The following ANKH variants were observed in gnomAD, a reference collection of about 807,000 sequenced individuals.
ANKH encodes ANKH inorganic pyrophosphate transport regulator.
In ANKH, 15 loss-of-function variants were observed where a neutral mutation model predicts 49.0. The observed-to-expected ratio is 0.31, with a 90% CI of 0.20 to 0.47. The LOEUF (loss-of-function observed/expected upper bound fraction) is 0.47. Ranked by LOEUF, ANKH falls within the 20% of genes least tolerant of loss-of-function variation. The pLI is 1.00. For missense variants in ANKH, 429 were observed against 652.0 expected (o/e 0.66, Z 3.72); for synonymous variants, 273 against 260.0 (o/e 1.05, Z -0.48).
Position 14,751,129 on chromosome 5 carries a change from G to C in ANKH, c.627C>G (p.Cys209Trp). The C allele has an allele frequency of 6.2e-7, 1 of 1,614,250 alleles. No homozygotes were observed. The highest frequency in any genetic ancestry group is 8.5e-7 in the Non-Finnish European group (1 of 1,180,038). ...CGTGAATGTTCTTGTAGTAGCCCAG[G>C]CACAGGGTGGTGCAGCGCACAAGTG... The part of the protein sequence containing the change: ...MGALVRCTTL[C>W]LGYYKNIHDI... The change falls in exon 5 of 12, where the codon TGC (cysteine) becomes TGG (tryptophan). Residue 209 changes from cysteine to tryptophan, a missense_variant. This residue lies in a region of ANKH where 378 missense variants were observed against 615.3 expected (regional missense o/e 0.61). Transcript: ENST00000284268.
rs183643754 is a variant in ANKH at position 14,781,345 on chromosome 5, G to C, written c.97-12154C>G. Reference sequence around the variant, plus strand: ...GGAGTCAAAGTGACTGCTCTGTGTGGTGCTGTCCATATTTAGTGCTTCCTG... The same window carrying C: ...GGAGTCAAAGTGACTGCTCTGTGTGCTGCTGTCCATATTTAGTGCTTCCTG... On this transcript the variant is annotated intron_variant, in intron 1 of 11. Transcript: ENST00000284268. Among the ~76,000 whole-genome samples the C allele has an allele frequency of 7.9e-5, 12 of 152,278 alleles. No homozygotes were observed. In the East Asian group the frequency reaches 1.5e-3, roughly 20 times the overall value.
At chr5:14,808,525 G>A (rs1005268904) in intron 1 of ANKH, among the ~76,000 whole-genome samples, 3 of 152,198 alleles carry the variant, frequency 2.0e-5, no homozygotes, top group African/African-American at 7.2e-5. Flanking sequence ...AGCACTTTGG[G>A]AGGCTGAGGC....
chr5:14,711,182 A>G lies in ANKH; in HGVS notation c.*15T>C, dbSNP rs1215376007. On this transcript the variant is annotated 3_prime_UTR_variant, in exon 12 of 12. Coordinates refer to ENST00000284268, the MANE Select transcript of ANKH (RefSeq NM_054027.6). ...CTGACTGACTGTCCCTGCAGTGCCCATGGCGTCCCGTGCCTTATTCATTCT... is the reference window on the plus strand; with the variant it reads ...CTGACTGACTGTCCCTGCAGTGCCCGTGGCGTCCCGTGCCTTATTCATTCT... 8 of 1,601,314 alleles carry G rather than the reference A, an allele frequency of 5.0e-6. No homozygotes were observed. The highest frequency in any genetic ancestry group is 6.8e-6 in the Non-Finnish European group (8 of 1,168,460).
intron 1 of ANKH, among the ~76,000 whole-genome samples, chr5:14,867,795 A>C (rs1265257590): frequency 6.6e-6 from 1 of 152,064 alleles, no homozygotes; most frequent in Admixed American, 6.5e-5. Flanking sequence ...TCCTGACCTC[A>C]TGATCCACCC....
intron 1 of ANKH, among the ~76,000 whole-genome samples, chr5:14,845,192 T>C (rs1741921704): frequency 1.3e-5 from 2 of 152,134 alleles, no homozygotes; most frequent in South Asian, 4.1e-4. Flanking sequence ...GGATATTGTT[T>C]GATCTCTTTA....
Position 14,755,954 on chromosome 5 carries a change from A to G in ANKH, c.433-10T>C, listed in dbSNP as rs1738872170. The G allele has an allele frequency of 6.2e-7, 1 of 1,613,106 alleles. No homozygotes were observed. On this transcript the variant is annotated splice_polypyrimidine_tract_variant and intron_variant, in intron 3 of 11. Coordinates refer to ENST00000284268, the MANE Select transcript of ANKH (RefSeq NM_054027.6). ...CAGCATGGGTCCATGCCTGCCAGAAAGAAAAGAATTTGGCATGAGATACAC... is the reference window on the plus strand; with the variant it reads ...CAGCATGGGTCCATGCCTGCCAGAAGGAAAAGAATTTGGCATGAGATACAC...
chr5:14,847,530 G>A (rs1269929959), intron 1 of ANKH, among the ~76,000 whole-genome samples: 2 of 152,204 alleles, frequency 1.3e-5, no homozygotes, highest in African/African-American at 4.8e-5. Flanking sequence ...GCTTCCATCA[G>A]GATTCCTGTG....
chr5:14,736,006 CTTTTTT>C (rs540010631), intron 8 of ANKH, among the ~76,000 whole-genome samples: 21 of 83,666 alleles, frequency 2.5e-4, no homozygotes, highest in African/African-American at 5.2e-4. Flanking sequence ...AAAAACCTAA[CTTTTTT>C]TTTTTTTTTT....
chr5:14,805,515 T>A (rs1740684770), intron 1 of ANKH, among the ~76,000 whole-genome samples: 2 of 149,084 alleles, frequency 1.3e-5, no homozygotes, highest in Admixed American at 1.3e-4. Flanking sequence ...CACGTATATA[T>A]ACACATACAC....
rs150824563 is a variant in ANKH, at chr5:14,865,735, T to C, written c.96+5617A>G. Among the ~76,000 whole-genome samples the C allele has an allele frequency of 7.9e-5, 12 of 152,336 alleles. 1 individual carries two copies. In the East Asian group the frequency reaches 2.3e-3, roughly 29 times the overall value. ...CTAATCGAATGAAATACTTTTGTTA[T>C]ACTTTGGGAGGAGGTGTGGAGAGGG... is the stretch of plus-strand genomic sequence containing the variant. On this transcript the variant is annotated intron_variant, in intron 1 of 11. Coordinates refer to ENST00000284268, the MANE Select transcript of ANKH (RefSeq NM_054027.6).
intron 1 of ANKH, among the ~76,000 whole-genome samples, chr5:14,787,074 A>C (rs763436961): frequency 6.6e-6 from 1 of 151,748 alleles, no homozygotes; most frequent in Non-Finnish European, 1.5e-5. Flanking sequence ...AGCACTTTGG[A>C]AGGCTGAGGC....
At chr5:14,730,274 G>C (rs916294976) in intron 8 of ANKH, among the ~76,000 whole-genome samples, 1 of 152,190 alleles carries the variant, frequency 6.6e-6, no homozygotes, top group African/African-American at 2.4e-5. Flanking sequence ...GGATGATCCT[G>C]GGCTGCTGAC....
chr5:14,745,475 G>A lies in ANKH; in HGVS notation c.915+395C>T, dbSNP rs183707214. On this transcript the variant is annotated intron_variant, in intron 7 of 11. Coordinates refer to ENST00000284268, the MANE Select transcript of ANKH (RefSeq NM_054027.6). The surrounding 1 kb of genome is among the most constrained non-coding windows in gnomAD (Gnocchi z 4.7). The stretch of plus-strand genomic sequence containing the variant: ...GGCCAGCCCACAGAAAGACAGCCAC[G>A]CACGGCTTCCTGCCTACACCTTAGC... 1.2e-3 allele frequency among the ~76,000 whole-genome samples: 186 copies of A among 152,228 alleles called. No homozygotes were observed. Among genetic ancestry groups the A allele is most frequent in the African/African-American group, 4.4e-3 (183 of 41,534 alleles).
At chr5:14,821,251 A>G (rs1741190574) in intron 1 of ANKH, among the ~76,000 whole-genome samples, 1 of 152,232 alleles carries the variant, frequency 6.6e-6, no homozygotes, top group South Asian at 2.1e-4. Flanking sequence ...TGAGGGTAAT[A>G]ATCTAGCAAA....
chr5:14,758,507 G>A lies in ANKH; in HGVS notation c.405C>T (p.Leu135=), dbSNP rs149656955. Residue 135 remains leucine (L), a synonymous_variant, in exon 3 of 12, where the codon CTC becomes CTT. Transcript: ENST00000284268. The part of the protein sequence containing the change: ...GSKTRRAFLY[L]AAFPFMDAMA... Reference sequence around the variant, plus strand: ...TTGCGTCCATGAAAGGAAAGGCGGCGAGGTACAGGAAGGCCCTTCTCGTCT... The same window carrying A: ...TTGCGTCCATGAAAGGAAAGGCGGCAAGGTACAGGAAGGCCCTTCTCGTCT... 2,802 of 1,614,042 alleles carry A rather than the reference G, an allele frequency of 1.7e-3. 45 individuals carry two copies. In the African/African-American group the frequency reaches 0.033, roughly 19 times the overall value.
intron 8 of ANKH, among the ~76,000 whole-genome samples, chr5:14,731,082 G>A (rs749934690): frequency 2.0e-5 from 3 of 152,226 alleles, no homozygotes; most frequent in Admixed American, 6.5e-5. Context: ...CTGGAGAGGC[G>A]GCCCAACACG....
At chr5:14,727,369 G>C (rs1737854480) in intron 8 of ANKH, among the ~76,000 whole-genome samples, 1 of 151,842 alleles carries the variant, frequency 6.6e-6, no homozygotes, top group Non-Finnish European at 1.5e-5. Flanking sequence ...CCAGCTTTTT[G>C]AAGAATATGA....
intron 1 of ANKH, among the ~76,000 whole-genome samples, chr5:14,771,027 C>A (rs572899681): frequency 1.3e-5 from 2 of 152,264 alleles, no homozygotes; most frequent in African/African-American, 2.4e-5. Context: ...TTCTATTAAT[C>A]AAGATAGCTG....
Position 14,713,684 on chromosome 5 carries a change from A to AG in ANKH, c.1142-18dup. On this transcript the variant is annotated splice_polypyrimidine_tract_variant and intron_variant, in intron 9 of 11. Coordinates refer to ENST00000284268, the MANE Select transcript of ANKH (RefSeq NM_054027.6). This position sits in a 1 kb window ranked among gnomAD's most constrained non-coding sequence, Gnocchi z 4.4. ...TCACTGTGACTGTTGGGAGGAGCAA[A>AG]GGACTCGTCAGCCGTGCCCGCCATC... is the stretch of plus-strand genomic sequence containing the variant. 1 of 1,613,114 alleles carries AG rather than the reference A, an allele frequency of 6.2e-7. No individual in the cohort carries two copies. The highest frequency in any genetic ancestry group is 8.5e-7 in the Non-Finnish European group (1 of 1,179,928).
Sources: allele counts gnomAD v4.1 joint callset (sites outside exome capture counted in the v4.1 genomes callset), GRCh38; gene constraint gnomAD v4.1.1; regional missense constraint gnomAD v4.1.1; non-coding constraint Gnocchi (gnomAD v3.1); transcripts MANE v1.5; gene names NCBI Gene and HGNC (gene_info 2026-07-23, HGNC 2026-07-21).